The following SBNO1 variants were observed in gnomAD, a reference collection of about 807,000 sequenced individuals.
SBNO1 encodes protein strawberry notch homolog 1.
A neutral mutation model predicts 173.6 loss-of-function variants in SBNO1; 23 were observed. That is an observed-to-expected ratio of 0.13 (90% confidence interval 0.10 to 0.19). The LOEUF is 0.19. SBNO1 is among the 10% of genes least tolerant of loss of function. SBNO1 has a pLI of 1.00. For synonymous variants in SBNO1, 632 were observed against 571.5 expected, an observed-to-expected ratio of 1.11 and a Z score of -1.51; for missense variants, 1,238 against 1,671.2, an observed-to-expected ratio of 0.74 and a Z score of 4.52.
At chr12:123,346,562 G>A (rs1873169314) in intron 3 of SBNO1, among the ~76,000 whole-genome samples, 1 of 152,158 alleles carries the variant, frequency 6.6e-6, no homozygotes, top group Non-Finnish European at 1.5e-5. Context: ...TACTCGGGAG[G>A]CTGAGGCAGG....
chr12:123,290,225 C>T lies in SBNO1; in HGVS notation c.*5683G>A, dbSNP rs944486767. The T allele has an allele frequency of 5.9e-5, 9 of 152,282 alleles. No individual in the cohort carries two copies. Among genetic ancestry groups the T allele is most frequent in the African/African-American group, 1.9e-4 (8 of 41,460 alleles). 9.4% of individuals were successfully genotyped at this position (152,282 alleles called of 1,614,324 possible). Reference sequence around the variant, plus strand: ...AAGGAGGGTCTGCGTGGAGGATGCACACTGGAGGCAATCTGTGACAGGCCC... The same window carrying T: ...AAGGAGGGTCTGCGTGGAGGATGCATACTGGAGGCAATCTGTGACAGGCCC... On this transcript the variant is annotated 3_prime_UTR_variant, in exon 32 of 32. Transcript: ENST00000602398.
At chr12:123,329,006 T>G in intron 9 of SBNO1, 111 bp from the exon 10 acceptor site, 2 of 595,040 alleles carry the variant, frequency 3.4e-6, no homozygotes, top group South Asian at 2.9e-5. Flanking sequence ...ATGACAGGCT[T>G]CAGAAAACAT....
At chr12:123,311,262 A>G in intron 24 of SBNO1, 133 bp from the exon 25 acceptor site, 1 of 659,274 alleles carries the variant, frequency 1.5e-6, no homozygotes, top group Non-Finnish European at 2.7e-6. Context: ...ATAAACATGG[A>G]GAAAATGTGG....
In SBNO1 at chr12:123,348,043, G is replaced by A; in HGVS notation, c.223C>T (p.Leu75=). 4 of 1,599,944 alleles carry A rather than the reference G, an allele frequency of 2.5e-6. No homozygotes were observed. Among genetic ancestry groups the A allele is most frequent in the Non-Finnish European group, 3.4e-6 (4 of 1,167,772 alleles). ...ATCATTCTTACCCTCACATTTAATA[G>A]TGCTGGAGTAGGTACAGTCTCTGGT... The part of the protein sequence containing the change: ...QEPETVPTPA[L]LNVRQQPPST... Residue 75 remains leucine (L), a synonymous_variant, in exon 3 of 32, where the codon CTA becomes TTA. Transcript: ENST00000602398.
At chr12:123,362,994 G>A (rs1027448220) in intron 1 of SBNO1, among the ~76,000 whole-genome samples, 2 of 152,004 alleles carry the variant, frequency 1.3e-5, no homozygotes, top group African/African-American at 2.4e-5. Flanking sequence ...GGCTGAAGTG[G>A]GACGATCGCT....
intron 1 of SBNO1, chr12:123,364,283 T>C: frequency 1.0e-6 from 1 of 985,536 alleles, no homozygotes; most frequent in African/African-American, 1.7e-5. Context: ...TTGGGAAGGA[T>C]CCGGTCCTTA....
intron 14 of SBNO1, 146 bp downstream of exon 14, chr12:123,326,006 T>C: frequency 3.6e-6 from 2 of 549,884 alleles, no homozygotes; most frequent in East Asian, 3.0e-5. Context: ...TAAGCAGGCA[T>C]TGCTTTTATA....
rs1186157161 is a variant in SBNO1, at chr12:123,297,995, T to A, written c.4022A>T (p.Asp1341Val). The A allele has an allele frequency of 3.7e-6, 6 of 1,613,770 alleles. No homozygotes were observed. Among genetic ancestry groups the A allele is most frequent in the East Asian group, 4.5e-5 (2 of 44,876 alleles). Reference sequence around the variant, plus strand: ...AGACTCACCTACAATCCGTTGCCCATCTTCCGTTCTTAGCCGCACGATCTG... The same window carrying A: ...AGACTCACCTACAATCCGTTGCCCAACTTCCGTTCTTAGCCGCACGATCTG... ...KMQIVRLRTE[D>V]GQRIVGLIIP... is the part of the protein sequence containing the mutation. Residue 1341 changes from aspartate to valine, a missense_variant, in exon 31 of 32, where the codon GAT (aspartate) becomes GTT (valine). By Grantham distance (152) the Asp-to-Val change is radical. Around this residue, in one of 14 missense-constraint regions of SBNO1, gnomAD observed 351 missense variants for 420.3 expected, o/e 0.84. Coordinates refer to ENST00000602398, the MANE Select transcript of SBNO1 (RefSeq NM_001167856.3).
chr12:123,335,352 T>C (rs1329945374), intron 6 of SBNO1, among the ~76,000 whole-genome samples: 2 of 152,042 alleles, frequency 1.3e-5, no homozygotes, highest in East Asian at 3.9e-4. Context: ...AGCACGAGAA[T>C]TGCTAGAATC....
chr12:123,343,886 T>C (rs1347439455), intron 4 of SBNO1, among the ~76,000 whole-genome samples: 3 of 152,198 alleles, frequency 2.0e-5, no homozygotes, highest in South Asian at 4.1e-4. Flanking sequence ...CAGGCTTCCA[T>C]ACATGGATAG....
rs1875806177 is a variant in SBNO1 at position 123,364,241 on chromosome 12, G to A, written c.-1+460C>T. 6 of 985,500 alleles carry A rather than the reference G, an allele frequency of 6.1e-6. No homozygotes were observed. The South Asian group carries it at 1.9e-4, about 31-fold the overall frequency. The allele number at this position is 985,500 out of a possible 1,614,324, so 61.0% of individuals were successfully genotyped here. On this transcript the variant is annotated intron_variant, in intron 1 of 31. Transcript: ENST00000602398. ...CGCCTGCCTCCCTCCCTCGCCCAGA[G>A]CCGGGAGCAATGCTGGGGCACGAAA...
rs1355099721 is a variant in SBNO1 at position 123,313,205 on chromosome 12, T to G, written c.3220+415A>C. Among the ~76,000 whole-genome samples the G allele has an allele frequency of 9.0e-5, 5 of 55,804 alleles. No individual in the cohort carries two copies. The East Asian group carries it at 4.6e-3, about 52-fold the overall frequency. The allele number at this position is 55,804 out of a possible 152,430, so 36.6% of individuals were successfully genotyped here. A position where few individuals can be genotyped will look rare whatever the true frequency, so the allele number is the denominator to read the frequency against. On this transcript the variant is annotated intron_variant, in intron 24 of 31. Transcript: ENST00000602398. ...GACAGAGCAAGACTCGGTCTTAAAA[T>G]AAATAAATAAATAAATAAATAAATA...
intron 9 of SBNO1, 25 bp from the exon 10 acceptor site, chr12:123,328,920 AG>A: frequency 7.3e-7 from 1 of 1,376,528 alleles, no homozygotes; most frequent in Non-Finnish European, 1.0e-6. Flanking sequence ...AAAAGAATTT[AG>A]TTAATTAGTA....
intron 1 of SBNO1, among the ~76,000 whole-genome samples, chr12:123,355,360 TA>T (rs1482357701): frequency 6.6e-6 from 1 of 151,420 alleles, no homozygotes; most frequent in Non-Finnish European, 1.5e-5. Context: ...ATAATAAAAA[TA>T]AAAAAACGCT....
chr12:123,311,552 G>T (rs573731050), intron 24 of SBNO1, among the ~76,000 whole-genome samples: 4 of 151,586 alleles, frequency 2.6e-5, no homozygotes, highest in Non-Finnish European at 5.9e-5. Context: ...TCGGGGTTTC[G>T]CCATGTTGGC....
chr12:123,352,323 A>G (rs1387719280), intron 1 of SBNO1, among the ~76,000 whole-genome samples: 4 of 152,240 alleles, frequency 2.6e-5, no homozygotes, highest in Non-Finnish European at 4.4e-5. Flanking sequence ...GAGTACGATC[A>G]GCATGACTAC....
intron 4 of SBNO1, among the ~76,000 whole-genome samples, chr12:123,343,920 G>A (rs1872824819): frequency 6.6e-6 from 1 of 152,094 alleles, no homozygotes; most frequent in Non-Finnish European, 1.5e-5. Flanking sequence ...CCTGATAAAT[G>A]TCTGCATTTG....
At chr12:123,364,049 C>T in intron 1 of SBNO1, 1 of 985,494 alleles carries the variant, frequency 1.0e-6, no homozygotes, top group Non-Finnish European at 1.2e-6. Flanking sequence ...ATGGGTAATT[C>T]TTAGGGTCTG....
intron 23 of SBNO1, among the ~76,000 whole-genome samples, 154 bp from the exon 24 acceptor site, chr12:123,313,873 G>A (rs1490155781): frequency 4.6e-5 from 7 of 152,100 alleles, no homozygotes; most frequent in Non-Finnish European, 5.9e-5. Flanking sequence ...TGGATCACCC[G>A]AGGTTGGGAG....
Sources: allele counts gnomAD v4.1 joint callset (sites outside exome capture counted in the v4.1 genomes callset), GRCh38; gene constraint gnomAD v4.1.1; regional missense constraint gnomAD v4.1.1; transcripts MANE v1.5; gene names NCBI Gene and HGNC (gene_info 2026-07-23, HGNC 2026-07-21).